The following LRP1B variants were observed in gnomAD, a reference collection of about 807,000 sequenced individuals.
The protein encoded by LRP1B is low-density lipoprotein receptor-related protein 1B.
Under a neutral mutation model 556.6 loss-of-function variants are expected in LRP1B, and 217 were observed. The observed-to-expected ratio is 0.39, with a 90% CI of 0.35 to 0.44. LRP1B has a LOEUF of 0.44. LRP1B is among the 20% of genes least tolerant of loss of function. LRP1B has a pLI of 1.00. For synonymous variants in LRP1B, 2,047 were observed against 1,865.8 expected, an observed-to-expected ratio of 1.10 and a Z score of -2.50; for missense variants, 5,053 against 5,620.8, an observed-to-expected ratio of 0.90 and a Z score of 3.23.
chr2:141,843,031 TGA>T (rs1449579169), intron 1 of LRP1B, among the ~76,000 whole-genome samples: 1 of 152,124 alleles, frequency 6.6e-6, no homozygotes, highest in Non-Finnish European at 1.5e-5. Flanking sequence ...TTTTTTAAAC[TGA>T]GAGGGAAAAT....
intron 1 of LRP1B, among the ~76,000 whole-genome samples, chr2:142,088,856 T>C (rs1470846224): frequency 6.6e-6 from 1 of 151,314 alleles, no homozygotes; most frequent in Non-Finnish European, 1.5e-5. Context: ...GTGCCTGTAG[T>C]CCCAGCTACT....
intron 41 of LRP1B, among the ~76,000 whole-genome samples, chr2:140,639,538 C>A (rs952737036): frequency 6.6e-6 from 1 of 152,130 alleles, no homozygotes; most frequent in Non-Finnish European, 1.5e-5. Flanking sequence ...TTAAAAAATT[C>A]TTTCTGATTT....
chr2:140,292,771 G>C (rs886362781), intron 84 of LRP1B, among the ~76,000 whole-genome samples: 6 of 152,086 alleles, frequency 3.9e-5, no homozygotes, highest in African/African-American at 1.2e-4. Flanking sequence ...CATAGTGACA[G>C]GCTCATTGTA....
At chr2:140,238,026 A>C (rs1290373144) in intron 89 of LRP1B, 126 bp downstream of exon 89, 13 of 740,408 alleles carry the variant, frequency 1.8e-5, no homozygotes, top group Non-Finnish European at 2.7e-5. Flanking sequence ...ATATCATTCA[A>C]TACATCCTAA....
chr2:140,487,713 G>T lies in LRP1B; in HGVS notation c.9147C>A (p.Asp3049Glu), dbSNP rs760234156. The change falls in exon 58 of 91, where the codon GAC becomes GAA. Residue 3049 changes from aspartate (D) to glutamate (E), a missense_variant. By Grantham distance (45) the Asp-to-Glu change is conservative. Coordinates refer to ENST00000389484, the MANE Select transcript of LRP1B (RefSeq NM_018557.3). ...KQGLNNVIAIDFDYREEFIYW... is the reference protein window; with the variant it reads ...KQGLNNVIAIEFDYREEFIYW... ...AGATGAATTCTTCTCTGTAATCAAA[G>T]TCTATAGCAATAACATTGTTTAATC... The T allele has an allele frequency of 8.3e-6, 13 of 1,566,404 alleles. No individual in the cohort carries two copies. Among genetic ancestry groups the T allele is most frequent in the Admixed American group, 1.7e-5 (1 of 57,648 alleles).
At chr2:141,930,242 A>C in intron 1 of LRP1B, among the ~76,000 whole-genome samples, 1 of 152,048 alleles carries the variant, frequency 6.6e-6, no homozygotes, top group African/African-American at 2.4e-5. Flanking sequence ...AGTTATAACC[A>C]GTTCCTCCAT....
rs1689934127 is a variant in LRP1B, at chr2:140,516,989, T to G, written c.8049A>C (p.Glu2683Asp). Residue 2683 changes from glutamate to aspartate, a missense_variant, in exon 50 of 91, where the codon GAA becomes GAC. Physicochemically the swap from Glu to Asp is conservative, Grantham distance 45 (BLOSUM62 2). Transcript: ENST00000389484. Reference protein sequence around the residue: ...KCPVQNKHKCEENYFSCPSGR... With the variant: ...KCPVQNKHKCDENYFSCPSGR... ...CACTAGGACAACTAAAATAATTTTC[T>G]TCACATTTGTGTTTGTTTTGAACTG... is the stretch of plus-strand genomic sequence containing the variant. 1 of 1,594,958 alleles carries G rather than the reference T, an allele frequency of 6.3e-7. No homozygotes were observed. Among genetic ancestry groups the G allele is most frequent in the South Asian group, 1.1e-5 (1 of 90,738 alleles).
chr2:141,129,292 C>T (rs1053061928), intron 7 of LRP1B, among the ~76,000 whole-genome samples: 9 of 151,948 alleles, frequency 5.9e-5, no homozygotes, highest in Admixed American at 1.3e-4. Flanking sequence ...AATTAATATA[C>T]GTATTTAATG....
intron 3 of LRP1B, among the ~76,000 whole-genome samples, chr2:141,417,209 A>G (rs901526082): frequency 6.6e-6 from 1 of 152,162 alleles, no homozygotes; most frequent in Non-Finnish European, 1.5e-5. Flanking sequence ...TTTAAAAATG[A>G]TCTCAAGATT....
At chr2:142,109,762 T>C (rs1227074690) in intron 1 of LRP1B, among the ~76,000 whole-genome samples, 1 of 152,150 alleles carries the variant, frequency 6.6e-6, no homozygotes, top group African/African-American at 2.4e-5. Flanking sequence ...ACCAAAAGTG[T>C]AACATGTTTG....
intron 84 of LRP1B, among the ~76,000 whole-genome samples, chr2:140,289,872 T>A (rs13028948): frequency 0.36 from 54,629 of 151,846 alleles, 11,387 homozygotes; most frequent in Non-Finnish European, 0.49. Flanking sequence ...CCTTTAATCT[T>A]TGAAACTGGA....
chr2:141,491,508 T>C lies in LRP1B; in HGVS notation c.206-10975A>G, dbSNP rs145710691. ...TTACCTGTTCTAACTGGGTGATAGCTCCTAACTGCAATTTTGAAGTTCAGG... is the reference window on the plus strand; with the variant it reads ...TTACCTGTTCTAACTGGGTGATAGCCCCTAACTGCAATTTTGAAGTTCAGG... On this transcript the variant is annotated intron_variant, in intron 2 of 90. Transcript: ENST00000389484. Among the ~76,000 whole-genome samples the C allele has an allele frequency of 6.4e-3, 975 of 152,248 alleles. 7 individuals are homozygous for C. The highest frequency in any genetic ancestry group is 0.023 in the African/African-American group (940 of 41,554).
At chr2:140,308,798 T>C (rs1684173834) in intron 83 of LRP1B, among the ~76,000 whole-genome samples, 1 of 151,874 alleles carries the variant, frequency 6.6e-6, no homozygotes, top group South Asian at 2.1e-4. Context: ...AATGCCCTTC[T>C]ATGAAAATAC....
chr2:141,568,731 A>G (rs966536835), intron 2 of LRP1B, among the ~76,000 whole-genome samples: 1 of 151,252 alleles, frequency 6.6e-6, no homozygotes, highest in Non-Finnish European at 1.5e-5. Context: ...TTAGTCAGTC[A>G]TCAAACATTT....
intron 2 of LRP1B, among the ~76,000 whole-genome samples, chr2:141,669,867 G>A (rs1690596495): frequency 6.6e-6 from 1 of 152,046 alleles, no homozygotes; most frequent in South Asian, 2.1e-4. Context: ...CGATTCTCTT[G>A]CCTCAGCCTC....
intron 32 of LRP1B, among the ~76,000 whole-genome samples, chr2:140,786,468 C>T (rs1363507485): frequency 1.3e-5 from 2 of 152,208 alleles, no homozygotes; most frequent in African/African-American, 4.8e-5. Flanking sequence ...GATATGTTTG[C>T]TTACAGCAGT....
intron 49 of LRP1B, among the ~76,000 whole-genome samples, chr2:140,517,961 G>A (rs867809510): frequency 2.6e-5 from 4 of 151,734 alleles, no homozygotes; most frequent in Non-Finnish European, 4.4e-5. Flanking sequence ...CTCCCGCCTC[G>A]GCCTCCCAAA....
chr2:141,044,177 C>A (rs1006213477), intron 11 of LRP1B, among the ~76,000 whole-genome samples: 6 of 151,138 alleles, frequency 4.0e-5, no homozygotes, highest in African/African-American at 9.7e-5. Flanking sequence ...GGAAAGGATT[C>A]CCTATTTAAT....
At chr2:141,264,541 G>A (rs552858729) in intron 3 of LRP1B, among the ~76,000 whole-genome samples, 2 of 152,172 alleles carry the variant, frequency 1.3e-5, no homozygotes, top group South Asian at 4.1e-4. Context: ...CTGCAACCTT[G>A]TCTCCCGGCT....
Sources: gnomAD v4.1 joint callset for allele counts (sites outside exome capture counted in the v4.1 genomes callset) on GRCh38, gnomAD v4.1.1 for gene constraint, MANE v1.5 for transcripts, NCBI Gene and HGNC (gene_info 2026-07-23, HGNC 2026-07-21) for gene names.